ASS1: variants seen among roughly 807,000 people sequenced by gnomAD.
ASS1 encodes the protein argininosuccinate synthase.
Under a neutral mutation model 60.5 loss-of-function variants are expected in ASS1, and 58 were observed. The ratio of observed to expected loss-of-function variants is 0.96; its 90% CI spans 0.78 to 1.19. The LOEUF is 1.19. ASS1 is among the 50% of genes most tolerant of loss of function. The probability of loss-of-function intolerance (pLI) is 0.00; values close to 1 mark genes in which losing one functional copy is unlikely to be tolerated. For synonymous variants in ASS1, 200 were observed against 206.9 expected, an observed-to-expected ratio of 0.97 and a Z score of 0.29; for missense variants, 454 against 547.3, an observed-to-expected ratio of 0.83 and a Z score of 1.70.
chr9:130,471,766 A>G (rs890507972), intron 8 of ASS1, among the ~76,000 whole-genome samples: 12 of 151,950 alleles, frequency 7.9e-5, no homozygotes, highest in African/African-American at 2.4e-4. Context: ...CAGGGGAAGG[A>G]AATATCTCAG....
chr9:130,464,101 T>C lies in ASS1; in HGVS notation c.364-10T>C. 1 of 1,614,112 alleles carries C rather than the reference T, an allele frequency of 6.2e-7. No homozygotes were observed. Among genetic ancestry groups the C allele is most frequent in the African/African-American group, 1.3e-5 (1 of 75,020 alleles). On this transcript the variant is annotated splice_polypyrimidine_tract_variant and intron_variant, in intron 4 of 14. Transcript: ENST00000352480. ...TGTGGCTCCTGACAGCCCTCTGTTC[T>C]GCATTGCAGGGGAACGATCAGGTCC...
chr9:130,458,377 C>T, intron 3 of ASS1, 24 bp from the exon 4 acceptor site: 1 of 1,611,988 alleles, frequency 6.2e-7, no homozygotes, highest in South Asian at 1.1e-5. Context: ...CCTACTTCTT[C>T]CTTCTGGGCT....
In ASS1 at chr9:130,477,693, GGCTCAGAGGGCCTGAAGGGGTAC is replaced by G. The variant is rs1249897171; in HGVS notation, c.688+733_688+755del. 6.6e-6 allele frequency among the ~76,000 whole-genome samples: 1 copy of G among 152,228 alleles called. No homozygotes were observed. The highest frequency in any genetic ancestry group is 1.5e-5 in the Non-Finnish European group (1 of 68,024). On this transcript the variant is annotated intron_variant, in intron 9 of 14. Coordinates refer to ENST00000352480, the MANE Select transcript of ASS1 (RefSeq NM_054012.4). The surrounding 1 kb of genome is among the most constrained non-coding windows in gnomAD (Gnocchi z 4.2). ...GCTCAGAGGGAGGGCTCAGAGGGCG[GGCTCAGAGGGCCTGAAGGGGTAC>G]CTTTTCAGGAGGCTGGAGTGATCAG... is the stretch of plus-strand genomic sequence containing the variant.
At chr9:130,474,275 G>A (rs1364036307) in intron 8 of ASS1, among the ~76,000 whole-genome samples, 3 of 152,236 alleles carry the variant, frequency 2.0e-5, no homozygotes, top group African/African-American at 7.2e-5. Context: ...GCGCTGTCAG[G>A]TGCCTGCCCG....
chr9:130,480,298 T>G (rs1291750416), intron 10 of ASS1, 87 bp from the exon 11 acceptor site: 14 of 1,443,662 alleles, frequency 9.7e-6, no homozygotes, highest in Admixed American at 1.7e-5. Context: ...TGGCCTAAGC[T>G]GTGCCCACCC....
At chr9:130,445,560 G>A (rs1845176465) in intron 1 of ASS1, among the ~76,000 whole-genome samples, 1 of 152,188 alleles carries the variant, frequency 6.6e-6, no homozygotes, top group Non-Finnish European at 1.5e-5. Context: ...CCTGCAGGGG[G>A]CGGCAGCCAC....
Position 130,452,319 on chromosome 9 carries a change from G to A in ASS1, c.91G>A (p.Val31Ile), listed in dbSNP as rs374444560. 19 of 1,613,936 alleles carry A rather than the reference G, an allele frequency of 1.2e-5. No individual in the cohort carries two copies. The highest frequency in any genetic ancestry group is 9.3e-5 in the African/African-American group (7 of 74,924). Residue 31 changes from valine (V) to isoleucine (I), a missense_variant, in exon 2 of 15, where the codon GTC becomes ATC. By Grantham distance (29) the Val-to-Ile change is conservative. Transcript: ENST00000352480. ...LVWLKEQGYD[V>I]IAYLANIGQK... ...GTGGCTGAAGGAACAAGGCTATGACGTCATTGCCTATCTGGTGAGGGAGCG... is the reference window on the plus strand; with the variant it reads ...GTGGCTGAAGGAACAAGGCTATGACATCATTGCCTATCTGGTGAGGGAGCG...
chr9:130,457,767 T>C (rs1845479762), intron 3 of ASS1, among the ~76,000 whole-genome samples: 2 of 152,114 alleles, frequency 1.3e-5, no homozygotes, highest in Non-Finnish European at 2.9e-5. Context: ...CCGTCTCTGG[T>C]TGGGAACTAC....
At chr9:130,499,604 G>T (rs757471673) in intron 14 of ASS1, 34 bp downstream of exon 14, 3 of 1,595,200 alleles carry the variant, frequency 1.9e-6, no homozygotes, top group Non-Finnish European at 2.6e-6. Flanking sequence ...GGCCTTCAGA[G>T]CCTCCAGGTG....
chr9:130,467,126 G>A (rs1300671322), intron 6 of ASS1, among the ~76,000 whole-genome samples: 2 of 152,114 alleles, frequency 1.3e-5, no homozygotes, highest in African/African-American at 4.8e-5. Context: ...CCTCCGCAGT[G>A]TGTGTGTCTT....
At chr9:130,448,422 G>GCACACACACACACACACACACA (rs3085579) in intron 1 of ASS1, among the ~76,000 whole-genome samples, 31 of 143,384 alleles carry the variant, frequency 2.2e-4, no homozygotes, top group African/African-American at 8.2e-4. Context: ...GTGTGCGCGC[G>GCACACACACACACACACACACA]CACACACACA....
At chr9:130,473,689 C>T (rs973468603) in intron 8 of ASS1, among the ~76,000 whole-genome samples, 1 of 152,320 alleles carries the variant, frequency 6.6e-6, no homozygotes, top group Admixed American at 6.5e-5. Flanking sequence ...TGCCCCTCCC[C>T]CTCTCCAAAA....
chr9:130,463,177 T>C (rs1845644397), intron 4 of ASS1, among the ~76,000 whole-genome samples: 1 of 152,252 alleles, frequency 6.6e-6, no homozygotes, highest in South Asian at 2.1e-4. Flanking sequence ...CATGCAGTTT[T>C]CACAGTAGGC....
intron 11 of ASS1, among the ~76,000 whole-genome samples, chr9:130,484,207 A>G (rs1169289733): frequency 2.6e-5 from 4 of 152,074 alleles, no homozygotes; most frequent in Non-Finnish European, 2.9e-5. Flanking sequence ...CACTTCTTCT[A>G]CTTTCCCAAA....
In ASS1 at chr9:130,488,186, C is replaced by T. The variant is rs1262560362; in HGVS notation, c.839-1147C>T. On this transcript the variant is annotated intron_variant, in intron 11 of 14. Transcript: ENST00000352480. The surrounding 1 kb of genome is among the most constrained non-coding windows in gnomAD (Gnocchi z 5.2). Reference sequence around the variant, plus strand: ...CTATTGTGATTAATGCTGCTATGAACATGAGTGTACAAATCCTTTCTGGGT... The same window carrying T: ...CTATTGTGATTAATGCTGCTATGAATATGAGTGTACAAATCCTTTCTGGGT... Among the ~76,000 whole-genome samples, 1 of 150,624 alleles carries T rather than the reference C, an allele frequency of 6.6e-6. No homozygotes were observed. The highest frequency in any genetic ancestry group is 1.5e-5 in the Non-Finnish European group (1 of 67,574).
At position 130,458,590 on chromosome 9, in the gene ASS1, G is replaced by A; in HGVS notation, c.363+1G>A. On this transcript the variant is annotated splice_donor_variant, in intron 4 of 14. Transcript: ENST00000352480. LOFTEE classifies it high-confidence loss of function. ...TGTGTCCCACGGCGCCACAGGAAAGGTGAGGCACCTGGGAAGGGCCGGGCA... is the reference window on the plus strand; with the variant it reads ...TGTGTCCCACGGCGCCACAGGAAAGATGAGGCACCTGGGAAGGGCCGGGCA... The A allele has an allele frequency of 1.2e-6, 2 of 1,612,332 alleles. No individual in the cohort carries two copies. Among genetic ancestry groups the A allele is most frequent in the Admixed American group, 1.7e-5 (1 of 59,960 alleles).
intron 3 of ASS1, among the ~76,000 whole-genome samples, chr9:130,456,555 A>G (rs750216761): frequency 1.3e-5 from 2 of 152,204 alleles, no homozygotes; most frequent in Non-Finnish European, 2.9e-5. Context: ...TTTCTTTTCT[A>G]TGCCTTTTTA....
intron 11 of ASS1, among the ~76,000 whole-genome samples, chr9:130,480,976 T>A (rs1846158882): frequency 2.0e-5 from 3 of 150,592 alleles, no homozygotes. Flanking sequence ...TGTGCCACAG[T>A]TGGGGCTGTG....
intron 3 of ASS1, among the ~76,000 whole-genome samples, 175 bp downstream of exon 3, chr9:130,454,548 C>T (rs890240360): frequency 2.6e-5 from 4 of 152,108 alleles, no homozygotes; most frequent in African/African-American, 7.2e-5. Flanking sequence ...GCCTCCCCCA[C>T]GCCCTCTTCC....
Sources: allele counts gnomAD v4.1 joint callset (sites outside exome capture counted in the v4.1 genomes callset), GRCh38; gene constraint gnomAD v4.1.1; non-coding constraint Gnocchi (gnomAD v3.1); transcripts MANE v1.5; gene names NCBI Gene and HGNC (gene_info 2026-07-23, HGNC 2026-07-21).